Variants in RAPGEF6 observed in about 807,000 individuals in gnomAD.
The protein encoded by RAPGEF6 is Rap guanine nucleotide exchange factor 6, also known as PDZ domain containing guanine nucleotide exchange factor (GEF) 2.
A neutral mutation model predicts 171.4 loss-of-function variants in RAPGEF6; 56 were observed. The observed-to-expected ratio is 0.33, with a 90% CI of 0.26 to 0.41. RAPGEF6 has a LOEUF of 0.41. Among genes scored for constraint, RAPGEF6 ranks in the 10% least tolerant of loss-of-function variants. The probability of loss-of-function intolerance (pLI) is 1.00; values close to 1 mark genes in which losing one functional copy is unlikely to be tolerated. For missense variants in RAPGEF6, 1,674 were observed against 1,921.4 expected (o/e 0.87, Z 2.41); for synonymous variants, 692 against 650.1 (o/e 1.06, Z -0.98).
chr5:131,569,292 G>T (rs2149977270), intron 4 of RAPGEF6, among the ~76,000 whole-genome samples: 1 of 152,290 alleles, frequency 6.6e-6, no homozygotes, highest in South Asian at 2.1e-4. Flanking sequence ...GAACAAAGTT[G>T]TAAGACTTAC....
At chr5:131,500,318 T>G (rs1006414396) in intron 11 of RAPGEF6, among the ~76,000 whole-genome samples, 2 of 152,224 alleles carry the variant, frequency 1.3e-5, no homozygotes. Flanking sequence ...CAAAACATTC[T>G]AAGCCTAAGA....
intron 3 of RAPGEF6, among the ~76,000 whole-genome samples, chr5:131,599,272 A>G (rs1764085423): frequency 6.6e-6 from 1 of 152,166 alleles, no homozygotes; most frequent in African/African-American, 2.4e-5. Context: ...GGTTGCAGTG[A>G]GCCGAGATTT....
intron 1 of RAPGEF6, among the ~76,000 whole-genome samples, chr5:131,609,785 A>T (rs1291604396): frequency 6.6e-6 from 1 of 152,204 alleles, no homozygotes; most frequent in Non-Finnish European, 1.5e-5. Context: ...TTTCACAGTG[A>T]TAGATATCTA....
intron 15 of RAPGEF6, among the ~76,000 whole-genome samples, chr5:131,480,882 G>C (rs770553462): frequency 2.0e-5 from 3 of 151,454 alleles, no homozygotes; most frequent in Non-Finnish European, 4.4e-5. Flanking sequence ...CCACTTCAGT[G>C]GTCTGAAGTA....
intron 18 of RAPGEF6, among the ~76,000 whole-genome samples, chr5:131,463,457 T>C (rs1754083435): frequency 6.6e-6 from 1 of 151,830 alleles, no homozygotes; most frequent in African/African-American, 2.4e-5. Context: ...CATGTGCCTG[T>C]AGTCCCAGCT....
At chr5:131,441,253 T>C (rs1300913278) in intron 23 of RAPGEF6, among the ~76,000 whole-genome samples, 1 of 152,214 alleles carries the variant, frequency 6.6e-6, no homozygotes, top group Non-Finnish European at 1.5e-5. Flanking sequence ...ACCACTTATC[T>C]TGTGGCATTA....
Position 131,570,942 on chromosome 5 carries a change from C to CTT in RAPGEF6, c.282-8897_282-8896dup, listed in dbSNP as rs767023216. ...CTCCCCACGTCTTCATCCCCAACTA[C>CTT]TTTTTTTTTTTTTTTTTTTTGAGAG... On this transcript the variant is annotated intron_variant, in intron 4 of 27. Transcript: ENST00000509018. Among the ~76,000 whole-genome samples the CTT allele has an allele frequency of 1.6e-3, 204 of 128,532 alleles. 2 individuals carry two copies. The highest frequency in any genetic ancestry group is 9.2e-3 in the South Asian group (37 of 4,026). The allele number at this position is 128,532 out of a possible 152,430, so 84.3% of individuals were successfully genotyped here.
At chr5:131,522,529 T>G (rs1758565016) in intron 6 of RAPGEF6, among the ~76,000 whole-genome samples, 2 of 152,158 alleles carry the variant, frequency 1.3e-5, no homozygotes, top group South Asian at 4.1e-4. Context: ...TTATGTTATC[T>G]CAAGAGGAGT....
At chr5:131,495,166 G>A (rs868868531) in intron 13 of RAPGEF6, among the ~76,000 whole-genome samples, 12 of 152,036 alleles carry the variant, frequency 7.9e-5, no homozygotes, top group Middle Eastern at 3.4e-3. Context: ...GGTGGTGCGC[G>A]TCTGAAGTCC....
chr5:131,572,515 G>A (rs548641719), intron 4 of RAPGEF6, among the ~76,000 whole-genome samples: 76 of 152,296 alleles, frequency 5.0e-4, no homozygotes, highest in African/African-American at 1.4e-3. Flanking sequence ...GATCACCACA[G>A]GGACGCCTGC....
intron 11 of RAPGEF6, 122 bp from the exon 12 acceptor site, chr5:131,498,729 C>A: frequency 1.1e-6 from 1 of 877,192 alleles, no homozygotes. Context: ...TACAGTTTCG[C>A]CTTTAAATCC....
At chr5:131,518,298 C>T (rs1758234849) in intron 7 of RAPGEF6, among the ~76,000 whole-genome samples, 1 of 150,582 alleles carries the variant, frequency 6.6e-6, no homozygotes, top group Non-Finnish European at 1.5e-5. Context: ...GATTTTTTTC[C>T]TTTTGTGTTT....
At chr5:131,466,417 T>A (rs1055738074) in intron 17 of RAPGEF6, among the ~76,000 whole-genome samples, 1 of 152,202 alleles carries the variant, frequency 6.6e-6, no homozygotes, top group Non-Finnish European at 1.5e-5. Flanking sequence ...TGTTTCAAGA[T>A]CCATCAAAAT....
chr5:131,492,297 T>A (rs1756336808), intron 14 of RAPGEF6, among the ~76,000 whole-genome samples: 1 of 152,184 alleles, frequency 6.6e-6, no homozygotes, highest in African/African-American at 2.4e-5. Flanking sequence ...GCTTATACAG[T>A]TTCCTAATCC....
intron 4 of RAPGEF6, among the ~76,000 whole-genome samples, chr5:131,562,576 T>G (rs1051750025): frequency 1.2e-4 from 19 of 152,226 alleles, no homozygotes; most frequent in Non-Finnish European, 2.2e-4. Context: ...AATCTACCAG[T>G]GCTCAAGCGC....
At chr5:131,528,192 AATT>A (rs1759059196) in intron 6 of RAPGEF6, among the ~76,000 whole-genome samples, 2 of 127,180 alleles carry the variant, frequency 1.6e-5, no homozygotes, top group East Asian at 2.0e-4. Flanking sequence ...ATTATATTAT[AATT>A]ATATATATTA....
At chr5:131,633,978 G>C (rs569454257) in intron 1 of RAPGEF6, among the ~76,000 whole-genome samples, 2 of 152,230 alleles carry the variant, frequency 1.3e-5, no homozygotes, top group East Asian at 3.9e-4. Context: ...CAAACATCAG[G>C]ATCTTCAATA....
intron 4 of RAPGEF6, among the ~76,000 whole-genome samples, 170 bp from the exon 5 acceptor site, chr5:131,562,217 A>C (rs1269920399): frequency 6.6e-6 from 1 of 151,936 alleles, no homozygotes; most frequent in African/African-American, 2.4e-5. Context: ...AAAAAAAAAA[A>C]CCTTTCTCTT....
At chr5:131,498,673 T>A (rs992826949) in intron 11 of RAPGEF6, 66 bp from the exon 12 acceptor site, 5 of 1,427,178 alleles carry the variant, frequency 3.5e-6, no homozygotes, top group African/African-American at 1.4e-5. Context: ...AGAACTATTG[T>A]TGATTACTCC....
Sources: allele counts gnomAD v4.1 joint callset (sites outside exome capture counted in the v4.1 genomes callset), GRCh38; gene constraint gnomAD v4.1.1; transcripts MANE v1.5; gene names NCBI Gene and HGNC (gene_info 2026-07-23, HGNC 2026-07-21).